The following CNTNAP3B variants were observed in gnomAD, a reference collection of about 807,000 sequenced individuals.
CNTNAP3B encodes the protein contactin associated protein family member 3B.
CNTNAP3B carries 25 observed loss-of-function variants against 108.9 expected under a neutral mutation model. The observed-to-expected ratio is 0.23, with a 90% CI of 0.17 to 0.32. CNTNAP3B has a LOEUF of 0.32. Among genes scored for constraint, CNTNAP3B ranks in the 10% least tolerant of loss-of-function variants. The pLI is 1.00. For synonymous variants in CNTNAP3B, 103 were observed against 473.4 expected, an observed-to-expected ratio of 0.22 and a Z score of 10.16; for missense variants, 252 against 1,210.4, an observed-to-expected ratio of 0.21 and a Z score of 11.75.
intron 10 of CNTNAP3B, among the ~76,000 whole-genome samples, chr9:41,968,035 G>A (rs1298035691): frequency 3.3e-5 from 5 of 152,234 alleles, no homozygotes; most frequent in Admixed American, 3.3e-4. Context: ...GGGACTTTAA[G>A]GTTAAAACAA....
rs868648325 is a variant in CNTNAP3B, at chr9:42,087,328, T to C, written c.197-10266A>G. On this transcript the variant is annotated intron_variant, in intron 2 of 23. Transcript: ENST00000377561. ...CATGTTTTGTTGGGTCTGCTAAGAC[T>C]ACAAAGGCCTAAAAGCTCTTTTATG... is the stretch of plus-strand genomic sequence containing the variant. Among the ~76,000 whole-genome samples the C allele has an allele frequency of 4.8e-3, 652 of 134,814 alleles. 7 individuals carry two copies. The highest frequency in any genetic ancestry group is 0.017 in the Middle Eastern group (5 of 290). 88.4% of individuals were successfully genotyped at this position (134,814 alleles called of 152,430 possible).
chr9:42,087,558 G>A (rs1216727315), intron 2 of CNTNAP3B, among the ~76,000 whole-genome samples: 3 of 144,636 alleles, frequency 2.1e-5, no homozygotes, highest in African/African-American at 7.8e-5. Context: ...GGCCTCAGGG[G>A]CAAAGGAGAC....
At position 42,125,613 on chromosome 9, in the gene CNTNAP3B, G is replaced by T. The variant is rs535944037; in HGVS notation, c.85+3397C>A. ...CCATGGGCTACTTCAGCTCCGTACT[G>T]TTTGTATAGAGTTTGGTGAAAATGA... On this transcript the variant is annotated intron_variant, in intron 1 of 23. Transcript: ENST00000377561. Among the ~76,000 whole-genome samples the T allele has an allele frequency of 4.6e-3, 630 of 136,248 alleles. 41 individuals are homozygous for T. Among genetic ancestry groups the T allele is most frequent in the Non-Finnish European group, 7.0e-3 (450 of 63,922 alleles). 89.4% of individuals were successfully genotyped at this position (136,248 alleles called of 152,430 possible). A position where few individuals can be genotyped will look rare whatever the true frequency, so the allele number is the denominator to read the frequency against.
At chr9:42,061,472 G>A (rs1219052788) in intron 3 of CNTNAP3B, among the ~76,000 whole-genome samples, 2 of 133,532 alleles carry the variant, frequency 1.5e-5, no homozygotes, top group Non-Finnish European at 3.2e-5. Flanking sequence ...CGAGCACCAT[G>A]CCCAGCTAAT....
chr9:41,962,964 AAAAC>A (rs1253708200), intron 11 of CNTNAP3B, among the ~76,000 whole-genome samples: 9 of 150,020 alleles, frequency 6.0e-5, no homozygotes, highest in Admixed American at 2.7e-4. Context: ...CAAAAAACAA[AAAAC>A]AAACAAACAA....
chr9:41,945,505 C>A (rs1404024098), intron 13 of CNTNAP3B, among the ~76,000 whole-genome samples: 4 of 152,306 alleles, frequency 2.6e-5, no homozygotes, highest in Non-Finnish European at 5.9e-5. Flanking sequence ...TCTCAGCAAA[C>A]TATCGCAAGG....
At chr9:41,934,188 C>CACATAT (rs1268222285) in intron 14 of CNTNAP3B, among the ~76,000 whole-genome samples, 14 of 135,352 alleles carry the variant, frequency 1.0e-4, no homozygotes, top group South Asian at 4.4e-4. Context: ...CACACACACA[C>CACATAT]ATATATATAT....
intron 13 of CNTNAP3B, among the ~76,000 whole-genome samples, chr9:41,943,796 A>G (rs1377448520): frequency 6.6e-6 from 1 of 152,402 alleles, no homozygotes; most frequent in African/African-American, 2.4e-5. Flanking sequence ...ACATGAAACC[A>G]TAGGTTCAGG....
Position 42,095,903 on chromosome 9 carries a change from T to C in CNTNAP3B, c.196+8726A>G, listed in dbSNP as rs372566879. Among the ~76,000 whole-genome samples, 13 of 138,640 alleles carry C rather than the reference T, an allele frequency of 9.4e-5. 1 individual carries two copies. The East Asian group carries it at 2.2e-3, about 23-fold the overall frequency. 91.0% of individuals were successfully genotyped at this position (138,640 alleles called of 152,430 possible). Reference sequence around the variant, plus strand: ...CCAAGTAGAGGTCAGCACTGCACTGTCCTCAGGGATGGCGACCTGCTGCCG... The same window carrying C: ...CCAAGTAGAGGTCAGCACTGCACTGCCCTCAGGGATGGCGACCTGCTGCCG... On this transcript the variant is annotated intron_variant, in intron 2 of 23. Coordinates refer to ENST00000377561, the MANE Select transcript of CNTNAP3B (RefSeq NM_001201380.3).
At position 42,079,768 on chromosome 9, in the gene CNTNAP3B, C is replaced by T. The variant is rs544321138; in HGVS notation, c.197-2706G>A. 8.1e-3 allele frequency among the ~76,000 whole-genome samples: 1,127 copies of T among 138,522 alleles called. 157 individuals are homozygous for T. Among genetic ancestry groups the T allele is most frequent in the Non-Finnish European group, 0.013 (841 of 64,678 alleles). 90.9% of individuals were successfully genotyped at this position (138,522 alleles called of 152,430 possible). A position where few individuals can be genotyped will look rare whatever the true frequency, so the allele number is the denominator to read the frequency against. On this transcript the variant is annotated intron_variant, in intron 2 of 23. Coordinates refer to ENST00000377561, the MANE Select transcript of CNTNAP3B (RefSeq NM_001201380.3). ...GTCTCCTGACCTAGTGATTTGCCCA[C>T]CTCAGCCTCCCAAAGTGCTGGGATT...
At chr9:41,923,423 A>G (rs1823721528) in intron 16 of CNTNAP3B, among the ~76,000 whole-genome samples, 1 of 151,802 alleles carries the variant, frequency 6.6e-6, no homozygotes, top group African/African-American at 2.4e-5. Context: ...TGACATTTTA[A>G]TGGATTATTA....
At chr9:41,942,374 G>A (rs1468317729) in intron 13 of CNTNAP3B, among the ~76,000 whole-genome samples, 43 of 152,326 alleles carry the variant, frequency 2.8e-4, no homozygotes, top group Admixed American at 9.2e-4. Context: ...ATTTTGGGAG[G>A]CTGAGGCGGG....
intron 14 of CNTNAP3B, among the ~76,000 whole-genome samples, chr9:41,930,629 A>G (rs1476327880): frequency 6.6e-6 from 1 of 152,300 alleles, no homozygotes; most frequent in Non-Finnish European, 1.5e-5. Flanking sequence ...TTGAGGACAC[A>G]GAGTAAAAAA....
intron 1 of CNTNAP3B, among the ~76,000 whole-genome samples, chr9:42,119,642 A>G (rs1410147005): frequency 7.2e-6 from 1 of 138,374 alleles, no homozygotes; most frequent in Non-Finnish European, 1.5e-5. Flanking sequence ...ATATAGAAAA[A>G]CAGAACAGAG....
At chr9:41,926,156 TAC>T (rs1192873609) in intron 15 of CNTNAP3B, among the ~76,000 whole-genome samples, 1 of 152,282 alleles carries the variant, frequency 6.6e-6, no homozygotes, top group East Asian at 1.9e-4. Flanking sequence ...CAGGGTTCAT[TAC>T]AGTCTTCCTC....
chr9:42,118,484 T>C (rs1828375066), intron 1 of CNTNAP3B, among the ~76,000 whole-genome samples: 1 of 136,602 alleles, frequency 7.3e-6, no homozygotes, highest in Non-Finnish European at 1.6e-5. Context: ...AGACGCTTCA[T>C]GCTAAAAACT....
intron 14 of CNTNAP3B, among the ~76,000 whole-genome samples, chr9:41,933,998 T>C (rs1564148162): frequency 2.0e-5 from 3 of 151,552 alleles, no homozygotes; most frequent in Non-Finnish European, 4.4e-5. Flanking sequence ...TTGTTAATTA[T>C]AATATTAAAA....
chr9:41,922,204 G>A (rs1461939535), intron 17 of CNTNAP3B, among the ~76,000 whole-genome samples: 2 of 129,222 alleles, frequency 1.5e-5, no homozygotes, highest in South Asian at 2.5e-4. Context: ...GGTGGCTCGC[G>A]CCTGTAATCC....
At chr9:41,934,965 G>C (rs1238893634) in intron 14 of CNTNAP3B, among the ~76,000 whole-genome samples, 1 of 152,226 alleles carries the variant, frequency 6.6e-6, no homozygotes, top group Non-Finnish European at 1.5e-5. Flanking sequence ...TAATATTACA[G>C]TTACATGTGT....
Sources: gnomAD v4.1 joint callset for allele counts (sites outside exome capture counted in the v4.1 genomes callset) on GRCh38, gnomAD v4.1.1 for gene constraint, MANE v1.5 for transcripts, NCBI Gene and HGNC (gene_info 2026-07-23, HGNC 2026-07-21) for gene names.